Variants in COL15A1 observed in about 807,000 individuals in gnomAD.
COL15A1 encodes the protein collagen type XV alpha 1 chain, also known as collagen alpha-1(XV) chain.
COL15A1 carries 111 observed loss-of-function variants against 165.9 expected under a neutral mutation model. That is an observed-to-expected ratio of 0.67 (90% CI 0.57 to 0.78). COL15A1 has a LOEUF of 0.78. Ranked by LOEUF, COL15A1 falls within the 30% of genes least tolerant of loss-of-function variation. The pLI is 0.00. For synonymous variants in COL15A1, 659 were observed against 674.8 expected, an observed-to-expected ratio of 0.98 and a Z score of 0.36; for missense variants, 1,745 against 1,789.7, an observed-to-expected ratio of 0.98 and a Z score of 0.45.
intron 31 of COL15A1, among the ~76,000 whole-genome samples, chr9:99,054,197 A>G (rs1226798672): frequency 7.2e-5 from 11 of 152,196 alleles, no homozygotes; most frequent in Admixed American, 7.2e-4. Context: ...GGCCTAGATG[A>G]GATGAGTCTG....
At chr9:98,984,339 T>C (rs1366966478) in intron 2 of COL15A1, among the ~76,000 whole-genome samples, 1 of 152,226 alleles carries the variant, frequency 6.6e-6, no homozygotes. Context: ...GGGAAAATAC[T>C]TGGATGGGCC....
rs751071936 is a variant in COL15A1 at position 99,005,059 on chromosome 9, C to T, written c.1353+9C>T. ...GGGAAGAGGCCACTGTGGTAAGGAT[C>T]GTACAGTGCCCAAAGGTTGAGGTCA... is the stretch of plus-strand genomic sequence containing the variant. On this transcript the variant is annotated intron_variant, in intron 9 of 41. Transcript: ENST00000375001. The T allele has an allele frequency of 2.3e-5, 36 of 1,585,150 alleles. No individual in the cohort carries two copies. The South Asian group carries it at 2.9e-4, about 13-fold the overall frequency.
intron 5 of COL15A1, among the ~76,000 whole-genome samples, chr9:98,993,663 A>G (rs1838490473): frequency 6.6e-6 from 1 of 152,202 alleles, no homozygotes; most frequent in South Asian, 2.1e-4. Context: ...TGGCAGAGCC[A>G]GGTCTCCAGC....
intron 2 of COL15A1, among the ~76,000 whole-genome samples, chr9:98,983,668 G>A (rs1009815025): frequency 6.6e-5 from 10 of 152,190 alleles, no homozygotes; most frequent in Non-Finnish European, 1.5e-4. Flanking sequence ...GATTATCCCT[G>A]CGCATTGACC....
chr9:98,950,516 C>G, intron 2 of COL15A1, among the ~76,000 whole-genome samples: 1 of 113,950 alleles, frequency 8.8e-6, no homozygotes, highest in South Asian at 3.8e-4. Context: ...TTCCTTCCTT[C>G]CCTTCCCTTC....
intron 2 of COL15A1, among the ~76,000 whole-genome samples, chr9:98,952,900 C>T (rs1369438186): frequency 1.3e-5 from 2 of 152,046 alleles, no homozygotes; most frequent in Non-Finnish European, 1.5e-5. Flanking sequence ...ATGTGTATGT[C>T]GTTTTAAATC....
At chr9:98,961,079 T>C (rs1247326454) in intron 2 of COL15A1, among the ~76,000 whole-genome samples, 3 of 152,012 alleles carry the variant, frequency 2.0e-5, no homozygotes, top group Non-Finnish European at 4.4e-5. Context: ...CATTCCAGAG[T>C]TTCTGCCCTT....
intron 2 of COL15A1, among the ~76,000 whole-genome samples, chr9:98,968,020 C>T (rs1837985406): frequency 6.6e-6 from 1 of 152,228 alleles, no homozygotes; most frequent in South Asian, 2.1e-4. Context: ...ACTTTGAGAA[C>T]CACTGGCGTC....
Position 99,034,894 on chromosome 9 carries a change from G to A in COL15A1, c.2080-120G>A, listed in dbSNP as rs1415875370. ...TGTTTCTGTACCATTAAGTGGTACC[G>A]ATCAGAGAATTCATCAACCTAATTA... On this transcript the variant is annotated intron_variant, in intron 17 of 41. Coordinates refer to ENST00000375001, the MANE Select transcript of COL15A1 (RefSeq NM_001855.5). 14 of 974,348 alleles carry A rather than the reference G, an allele frequency of 1.4e-5. No individual in the cohort carries two copies. The East Asian group carries it at 1.5e-4, about 10-fold the overall frequency. The allele number at this position is 974,348 out of a possible 1,614,324, so 60.4% of individuals were successfully genotyped here. A position where few individuals can be genotyped will look rare whatever the true frequency, so the allele number is the denominator to read the frequency against.
At chr9:99,046,531 C>T (rs1839494572) in intron 26 of COL15A1, among the ~76,000 whole-genome samples, 5 of 152,170 alleles carry the variant, frequency 3.3e-5, no homozygotes, top group Admixed American at 2.6e-4. Context: ...CTCCTAGTTC[C>T]GCATGGCTAG....
At chr9:99,020,242 C>G (rs1839002749) in intron 11 of COL15A1, 147 bp from the exon 12 acceptor site, 1 of 651,012 alleles carries the variant, frequency 1.5e-6, no homozygotes, top group Non-Finnish European at 2.8e-6. Flanking sequence ...CAGCCTCTCT[C>G]TTCATGGGGC....
intron 16 of COL15A1, among the ~76,000 whole-genome samples, chr9:99,026,398 C>T (rs1839125009): frequency 6.6e-6 from 1 of 152,200 alleles, no homozygotes; most frequent in Non-Finnish European, 1.5e-5. Context: ...CCATTCTCTC[C>T]ACCCACCCTC....
chr9:99,010,765 T>G (rs55803862), intron 9 of COL15A1, among the ~76,000 whole-genome samples: 9,294 of 152,292 alleles, frequency 0.061, 915 homozygotes, highest in African/African-American at 0.21. Flanking sequence ...CGTAATAACC[T>G]TAATTAAAAA....
intron 24 of COL15A1, among the ~76,000 whole-genome samples, chr9:99,042,484 A>T (rs561525970): frequency 6.6e-6 from 1 of 151,672 alleles, no homozygotes; most frequent in African/African-American, 2.4e-5. Context: ...CTTTGTTCTC[A>T]CACACACTGT....
At chr9:99,015,663 G>T in intron 10 of COL15A1, 97 bp downstream of exon 10, 2 of 1,194,580 alleles carry the variant, frequency 1.7e-6, no homozygotes, top group Non-Finnish European at 2.4e-6. Context: ...GGCACCTGTA[G>T]CTTGGTTATG....
intron 4 of COL15A1, among the ~76,000 whole-genome samples, 157 bp from the exon 5 acceptor site, chr9:98,989,021 T>TAGAC (rs1336418867): frequency 1.0e-5 from 1 of 98,426 alleles, no homozygotes; most frequent in South Asian, 3.5e-4. Flanking sequence ...CCGTCTCTCA[T>TAGAC]AGACACACAC....
In COL15A1 at chr9:99,070,139, C is replaced by G. The variant is rs959216649; in HGVS notation, c.*253C>G. 1.0e-5 allele frequency: 4 copies of G among 401,432 alleles called. No individual in the cohort carries two copies. The highest frequency in any genetic ancestry group is 1.8e-5 in the Non-Finnish European group (4 of 223,216). 24.9% of individuals were successfully genotyped at this position (401,432 alleles called of 1,614,324 possible). ...GGAAACCCCAGCAGTGTGAACGCAT[C>G]CCAACATAGGTTAAGAGCAAGTTGA... On this transcript the variant is annotated 3_prime_UTR_variant, in exon 42 of 42. Transcript: ENST00000375001.
chr9:99,019,435 G>A (rs1157486015), intron 11 of COL15A1, among the ~76,000 whole-genome samples: 1 of 151,958 alleles, frequency 6.6e-6, no homozygotes, highest in African/African-American at 2.4e-5. Flanking sequence ...TGCTGGTCTT[G>A]AACTCCTGAC....
chr9:99,043,508 G>T (rs915030589), intron 24 of COL15A1, among the ~76,000 whole-genome samples: 1 of 152,144 alleles, frequency 6.6e-6, no homozygotes, highest in Non-Finnish European at 1.5e-5. Context: ...GGGCAGTTCT[G>T]CTCTGGCCAT....
Sources: allele counts gnomAD v4.1 joint callset (sites outside exome capture counted in the v4.1 genomes callset), GRCh38; gene constraint gnomAD v4.1.1; transcripts MANE v1.5; gene names NCBI Gene and HGNC (gene_info 2026-07-23, HGNC 2026-07-21).